Variants in CTBP2 observed in about 807,000 individuals in gnomAD.
The protein encoded by CTBP2 is C-terminal binding protein 2.
A neutral mutation model predicts 80.3 loss-of-function variants in CTBP2; 30 were observed. That is an observed-to-expected ratio of 0.37 (90% CI 0.28 to 0.51). CTBP2 has a LOEUF of 0.51. CTBP2 is among the 20% of genes least tolerant of loss of function. The probability of loss-of-function intolerance (pLI) is 0.93; values close to 1 mark genes in which losing one functional copy is unlikely to be tolerated. For missense variants in CTBP2, 1,212 were observed against 1,375.3 expected (o/e 0.88, Z 1.88); for synonymous variants, 594 against 587.4 (o/e 1.01, Z -0.16).
At position 124,986,319 on chromosome 10, in the gene CTBP2, ACACAGT is replaced by A. The variant is rs1272559159; in HGVS notation, c.*3193_*3198del. The A allele has an allele frequency of 1.2e-4, 19 of 152,294 alleles. No individual in the cohort carries two copies. The highest frequency in any genetic ancestry group is 4.6e-4 in the African/African-American group (19 of 41,238). 9.4% of individuals were successfully genotyped at this position (152,294 alleles called of 1,614,324 possible). On this transcript the variant is annotated 3_prime_UTR_variant, in exon 9 of 9. Transcript: ENST00000309035. The stretch of plus-strand genomic sequence containing the variant: ...CACACACACACACACACACACACAC[ACACAGT>A]TTTTTCCTTCCCTGTGATGAAAAAG...
At chr10:125,087,597 C>G (rs57643040) in intron 2 of CTBP2, among the ~76,000 whole-genome samples, 138 of 152,330 alleles carry the variant, frequency 9.1e-4, no homozygotes, top group African/African-American at 3.0e-3. Context: ...TCACATGTCT[C>G]TCATCCCCCC....
At chr10:125,005,790 C>A in intron 1 of CTBP2, 1 of 1,612,466 alleles carries the variant, frequency 6.2e-7, no homozygotes, top group Non-Finnish European at 8.5e-7. Flanking sequence ...CCTGTGGGGC[C>A]TGGAAGTCCT....
chr10:125,012,581 C>T (rs1323641587), intron 1 of CTBP2, among the ~76,000 whole-genome samples: 2 of 152,182 alleles, frequency 1.3e-5, no homozygotes, highest in African/African-American at 4.8e-5. Flanking sequence ...CTCGTGTGGC[C>T]GATCCTCCAA....
At position 125,019,143 on chromosome 10, in the gene CTBP2, A is replaced by G. The variant is rs567235985; in HGVS notation, c.1678+6939T>C. ...GTTCCTCCCTCCCACTGGAGGGGGCAAGAAAAGTGAACGAAGGCTAGTTTT... is the reference window on the plus strand; with the variant it reads ...GTTCCTCCCTCCCACTGGAGGGGGCGAGAAAAGTGAACGAAGGCTAGTTTT... On this transcript the variant is annotated intron_variant, in intron 1 of 8. Transcript: ENST00000309035. Among the ~76,000 whole-genome samples, 31 of 152,114 alleles carry G rather than the reference A, an allele frequency of 2.0e-4. 1 individual carries two copies. In the South Asian group the frequency reaches 6.5e-3, roughly 32 times the overall value.
chr10:124,998,352 A>G (rs1953948180), intron 3 of CTBP2, 182 bp from the exon 6 acceptor site: 1 of 652,154 alleles, frequency 1.5e-6, no homozygotes, highest in Non-Finnish European at 2.6e-6. Context: ...ATGCATGGGA[A>G]GCTCTAGCCC....
At chr10:125,033,193 G>A (rs1403143736) in intron 3 of CTBP2, among the ~76,000 whole-genome samples, 1 of 152,220 alleles carries the variant, frequency 6.6e-6, no homozygotes, top group Non-Finnish European at 1.5e-5. Context: ...AGGCTGGAGG[G>A]ACAGGGAGTG....
chr10:125,005,520 CGAG>C, intron 1 of CTBP2: 1 of 1,588,116 alleles, frequency 6.3e-7, no homozygotes, highest in Non-Finnish European at 8.6e-7. Context: ...AAGGCAGGGA[CGAG>C]GGCCAACACC....
At chr10:125,082,549 G>A (rs1022174117) in intron 2 of CTBP2, among the ~76,000 whole-genome samples, 2 of 150,102 alleles carry the variant, frequency 1.3e-5, no homozygotes, top group South Asian at 2.1e-4. Context: ...CACAAGTCAC[G>A]TTTGCACACT....
chr10:125,155,873 C>T (rs1387639745), intron 1 of CTBP2, among the ~76,000 whole-genome samples: 1 of 152,132 alleles, frequency 6.6e-6, no homozygotes, highest in Non-Finnish European at 1.5e-5. Flanking sequence ...AGGGAGAAAA[C>T]TGATATCTGC....
intron 1 of CTBP2, among the ~76,000 whole-genome samples, chr10:125,016,444 C>T (rs755295896): frequency 7.9e-5 from 12 of 152,236 alleles, no homozygotes; most frequent in African/African-American, 9.6e-5. Context: ...CACGTCCTCC[C>T]GCAAAAGGAC....
chr10:125,063,975 C>A (rs534725497), intron 2 of CTBP2, among the ~76,000 whole-genome samples: 2 of 152,124 alleles, frequency 1.3e-5, no homozygotes, highest in African/African-American at 4.8e-5. Flanking sequence ...CTCAACCCCC[C>A]GCACCCCAAC....
Position 124,987,322 on chromosome 10 carries a change from G to A in CTBP2, c.*2196C>T, listed in dbSNP as rs1439721896. On this transcript the variant is annotated 3_prime_UTR_variant, in exon 9 of 9. Coordinates refer to ENST00000309035, the MANE Select transcript of CTBP2 (RefSeq NM_022802.3). ...GTTCTTTTTCTAGAGCAAACAGAGC[G>A]TGGCATTTTGTTTTGACTTGTTCTT... is the stretch of plus-strand genomic sequence containing the variant. The A allele has an allele frequency of 2.0e-5, 3 of 152,284 alleles. No individual in the cohort carries two copies. Among genetic ancestry groups the A allele is most frequent in the South Asian group, 2.1e-4 (1 of 4,816 alleles). The allele number at this position is 152,284 out of a possible 1,614,324, so 9.4% of individuals were successfully genotyped here.
chr10:125,027,132 C>T lies in CTBP2; in HGVS notation c.628G>A (p.Val210Ile). Residue 210 changes from valine (V) to isoleucine (I), a missense_variant, in exon 1 of 9, where the codon GTC becomes ATC. Physicochemically the swap from Val to Ile is conservative, Grantham distance 29. Around this residue, in one of 3 missense-constraint regions of CTBP2, gnomAD observed 848 missense variants for 782.3 expected, o/e 1.08. Transcript: ENST00000309035. Reference sequence around the variant, plus strand: ...GGTCTTTCGCTGATGTCGCTGAAGACCTGGCTGAGGGGGTAGGCAGGCACC... The same window carrying T: ...GGTCTTTCGCTGATGTCGCTGAAGATCTGGCTGAGGGGGTAGGCAGGCACC... 1 of 1,604,736 alleles carries T rather than the reference C, an allele frequency of 6.2e-7. No homozygotes were observed. Among genetic ancestry groups the T allele is most frequent in the South Asian group, 1.1e-5 (1 of 90,536 alleles).
At position 125,066,460 on chromosome 10, in the gene CTBP2, C is replaced by CG. The variant is rs993791442; in HGVS notation, c.-101-27306dup. Among the ~76,000 whole-genome samples the CG allele has an allele frequency of 2.0e-5, 3 of 152,120 alleles. No homozygotes were observed. Among genetic ancestry groups the CG allele is most frequent in the African/African-American group, 7.2e-5 (3 of 41,424 alleles). The stretch of plus-strand genomic sequence containing the variant: ...AGGCAAGCAGGGTGCGCAGATGTAA[C>CG]GGGGGAAGCAGGCACGGCCAAGCAC... On this transcript the variant is annotated intron_variant, in intron 2 of 10. Transcript: ENST00000337195. The surrounding 1 kb of genome is among the most constrained non-coding windows in gnomAD (Gnocchi z 4.1).
At chr10:125,136,745 GAAGTCA>G (rs1388639561) in intron 1 of CTBP2, among the ~76,000 whole-genome samples, 1 of 152,186 alleles carries the variant, frequency 6.6e-6, no homozygotes, top group Admixed American at 6.5e-5. Context: ...CAACGAACTT[GAAGTCA>G]TCAGTTGACA....
intron 3 of CTBP2, chr10:125,001,096 C>G (rs929591683): frequency 6.6e-6 from 1 of 152,282 alleles, no homozygotes; most frequent in African/African-American, 2.4e-5. Flanking sequence ...CTCGGCCCTC[C>G]CAGGCCCCCT....
At chr10:125,155,333 C>T (rs1467264172) in intron 1 of CTBP2, among the ~76,000 whole-genome samples, 1 of 152,132 alleles carries the variant, frequency 6.6e-6, no homozygotes, top group Non-Finnish European at 1.5e-5. Context: ...CTCCCATGGT[C>T]AACATTCCAC....
chr10:125,069,895 C>A (rs10901861), intron 2 of CTBP2, among the ~76,000 whole-genome samples: 1,658 of 141,750 alleles, frequency 0.012, 29 homozygotes, highest in East Asian at 0.1. Context: ...CCTCCCCCCC[C>A]CACACAAACC....
intron 1 of CTBP2, among the ~76,000 whole-genome samples, chr10:125,146,861 T>C (rs951063824): frequency 4.6e-5 from 7 of 152,144 alleles, no homozygotes; most frequent in African/African-American, 1.2e-4. Context: ...TGGCCCCTAG[T>C]GGGTGCTCAG....
Sources: allele counts gnomAD v4.1 joint callset (sites outside exome capture counted in the v4.1 genomes callset), GRCh38; gene constraint gnomAD v4.1.1; regional missense constraint gnomAD v4.1.1; non-coding constraint Gnocchi (gnomAD v3.1); transcripts MANE v1.5; gene names NCBI Gene and HGNC (gene_info 2026-07-23, HGNC 2026-07-21).